DLGAP2: variants seen among roughly 807,000 people sequenced by gnomAD.
The protein encoded by DLGAP2 is DLG associated protein 2.
In DLGAP2, 26 loss-of-function variants were observed where a neutral mutation model predicts 100.3. The observed-to-expected ratio is 0.26, with a 90% confidence interval of 0.19 to 0.36. The LOEUF (loss-of-function observed/expected upper bound fraction) is 0.36. DLGAP2 is among the 10% of genes least tolerant of loss of function. The probability of loss-of-function intolerance (pLI) is 1.00; values close to 1 mark genes in which losing one functional copy is unlikely to be tolerated. For synonymous variants in DLGAP2, 886 were observed against 630.1 expected, an observed-to-expected ratio of 1.41 and a Z score of -6.08; for missense variants, 1,858 against 1,453.2, an observed-to-expected ratio of 1.28 and a Z score of -4.53.
chr8:830,814 G>T (rs1796766691), intron 1 of DLGAP2, among the ~76,000 whole-genome samples: 1 of 151,594 alleles, frequency 6.6e-6, no homozygotes, highest in Non-Finnish European at 1.5e-5. Flanking sequence ...TCATATGTAA[G>T]AAGTAAAATT....
At position 1,178,840 on chromosome 8, in the gene DLGAP2, A is replaced by G. The variant is rs995559780; in HGVS notation, c.74-80011A>G. 2.6e-5 allele frequency among the ~76,000 whole-genome samples: 4 copies of G among 152,304 alleles called. No individual in the cohort carries two copies. In the South Asian group the frequency reaches 8.3e-4, roughly 32 times the overall value. On this transcript the variant is annotated intron_variant, in intron 2 of 14. Transcript: ENST00000637795. ...CATCTGTCCACCCTGGTTTCTCACA[A>G]GAGGGTGTGGGTGTGATTCAGCTGC...
At chr8:1,162,306 C>G (rs934858642) in intron 2 of DLGAP2, among the ~76,000 whole-genome samples, 1 of 152,176 alleles carries the variant, frequency 6.6e-6, no homozygotes. Context: ...GAGTCTGACT[C>G]CATTACATGT....
intron 2 of DLGAP2, among the ~76,000 whole-genome samples, chr8:1,221,955 G>T (rs1020022413): frequency 6.6e-6 from 1 of 152,062 alleles, no homozygotes; most frequent in African/African-American, 2.4e-5. Flanking sequence ...GTTCTGTTTG[G>T]TTCTGTCTGA....
At chr8:824,381 T>G (rs980983541) in intron 1 of DLGAP2, among the ~76,000 whole-genome samples, 1 of 152,148 alleles carries the variant, frequency 6.6e-6, no homozygotes, top group Non-Finnish European at 1.5e-5. Context: ...CCGGGCACAT[T>G]CCTTCTTCTT....
intron 3 of DLGAP2, among the ~76,000 whole-genome samples, chr8:1,370,449 A>G (rs1802210273): frequency 6.6e-6 from 1 of 152,214 alleles, no homozygotes; most frequent in African/African-American, 2.4e-5. Flanking sequence ...TGGAAAATGA[A>G]CTTAAAATAG....
intron 3 of DLGAP2, among the ~76,000 whole-genome samples, chr8:1,364,725 C>A (rs73528806): frequency 0.028 from 4,270 of 152,232 alleles, 185 homozygotes; most frequent in African/African-American, 0.097. Context: ...GGAGACAGGC[C>A]CGAACTCAGC....
At chr8:765,131 C>G (rs570932315) in intron 1 of DLGAP2, among the ~76,000 whole-genome samples, 3 of 152,278 alleles carry the variant, frequency 2.0e-5, no homozygotes, top group African/African-American at 7.2e-5. Context: ...GTGCCCGTCT[C>G]CACGCCCAGG....
intron 3 of DLGAP2, among the ~76,000 whole-genome samples, chr8:1,481,928 T>C (rs7010006): frequency 0.049 from 7,391 of 152,306 alleles, 602 homozygotes; most frequent in African/African-American, 0.17. Flanking sequence ...CCGATTATCC[T>C]TCTGATGCCA....
chr8:1,325,416 C>T (rs1432026450), intron 3 of DLGAP2, among the ~76,000 whole-genome samples: 1 of 152,222 alleles, frequency 6.6e-6, no homozygotes, highest in Non-Finnish European at 1.5e-5. Flanking sequence ...GGTCCCCCGA[C>T]CCTGCAGCCC....
intron 3 of DLGAP2, among the ~76,000 whole-genome samples, chr8:1,418,527 C>T (rs1300046924): frequency 2.6e-5 from 4 of 152,166 alleles, no homozygotes; most frequent in Non-Finnish European, 1.5e-5. Context: ...CTTTCACAGT[C>T]AAAATGGAAG....
At chr8:990,244 T>A (rs1445100119) in intron 2 of DLGAP2, among the ~76,000 whole-genome samples, 1 of 151,990 alleles carries the variant, frequency 6.6e-6, no homozygotes, top group Non-Finnish European at 1.5e-5. Context: ...GATGTTGCCA[T>A]GTGGGTGCCC....
chr8:784,255 G>A (rs1821779100), intron 1 of DLGAP2, among the ~76,000 whole-genome samples: 3 of 152,160 alleles, frequency 2.0e-5, no homozygotes, highest in Admixed American at 2.0e-4. Context: ...ACTAACAATA[G>A]TTTAGTCAAG....
At chr8:1,297,398 C>T (rs1265329682) in intron 3 of DLGAP2, among the ~76,000 whole-genome samples, 2 of 152,204 alleles carry the variant, frequency 1.3e-5, no homozygotes, top group Non-Finnish European at 2.9e-5. Context: ...TCATGTATTT[C>T]ATGTGGTGAG....
At chr8:1,582,895 A>C (rs1795990104) in intron 6 of DLGAP2, among the ~76,000 whole-genome samples, 1 of 152,098 alleles carries the variant, frequency 6.6e-6, no homozygotes, top group Non-Finnish European at 1.5e-5. Context: ...CTGAAAGAAG[A>C]GGGCAGCAGG....
intron 9 of DLGAP2, among the ~76,000 whole-genome samples, chr8:1,669,197 C>G (rs931057195): frequency 1.3e-5 from 2 of 152,162 alleles, no homozygotes; most frequent in African/African-American, 4.8e-5. Context: ...GCTGGCAGGC[C>G]CCTCAGCTGG....
intron 1 of DLGAP2, among the ~76,000 whole-genome samples, chr8:802,938 A>T (rs1796200654): frequency 6.6e-6 from 1 of 152,118 alleles, no homozygotes; most frequent in Non-Finnish European, 1.5e-5. Context: ...TAAATAAAGG[A>T]AAGGTGGGTG....
Position 1,701,423 on chromosome 8 carries a change from C to A in DLGAP2, c.*17C>A, listed in dbSNP as rs1221942328. On this transcript the variant is annotated 3_prime_UTR_variant, in exon 15 of 15. Coordinates refer to ENST00000637795, the MANE Select transcript of DLGAP2 (RefSeq NM_001346810.2). ...CGGCTCTGAGGGCGGAGGCCGGCGC[C>A]TTCCCCTCGTCGCTTCCGCTTTCCC... 4.6e-5 allele frequency: 72 copies of A among 1,566,114 alleles called. No individual in the cohort carries two copies. The highest frequency in any genetic ancestry group is 6.2e-5 in the Non-Finnish European group (72 of 1,157,084).
At chr8:1,264,456 A>T (rs188035208) in intron 3 of DLGAP2, among the ~76,000 whole-genome samples, 4 of 152,314 alleles carry the variant, frequency 2.6e-5, no homozygotes, top group African/African-American at 7.2e-5. Flanking sequence ...AGGGCCATGG[A>T]TAGGATATAA....
At chr8:1,174,052 C>T (rs938276428) in intron 2 of DLGAP2, among the ~76,000 whole-genome samples, 2 of 152,180 alleles carry the variant, frequency 1.3e-5, no homozygotes, top group Non-Finnish European at 2.9e-5. Flanking sequence ...GTTCATGACA[C>T]AGCTATGCCT....
Sources: gnomAD v4.1 joint callset for allele counts (sites outside exome capture counted in the v4.1 genomes callset) on GRCh38, gnomAD v4.1.1 for gene constraint, MANE v1.5 for transcripts, NCBI Gene and HGNC (gene_info 2026-07-23, HGNC 2026-07-21) for gene names.